The following PPM1A variants were observed in gnomAD, a reference collection of about 807,000 sequenced individuals.
The protein encoded by PPM1A is protein phosphatase, Mg2+/Mn2+ dependent 1A.
In PPM1A, 7 loss-of-function variants were observed where a neutral mutation model predicts 35.0. The observed-to-expected ratio is 0.20, with a 90% CI of 0.11 to 0.38. PPM1A has a LOEUF of 0.38. Ranked by LOEUF, PPM1A falls within the 10% of genes least tolerant of loss-of-function variation. The pLI is 1.00. For missense variants in PPM1A, 239 were observed against 467.8 expected (o/e 0.51, Z 4.51); for synonymous variants, 153 against 167.3 (o/e 0.91, Z 0.66).
chr14:60,282,017 CTT>C lies in PPM1A; in HGVS notation c.-20-665_-20-664del, dbSNP rs1022232428. Among the ~76,000 whole-genome samples the C allele has an allele frequency of 2.0e-5, 3 of 152,044 alleles. No individual in the cohort carries two copies. Among genetic ancestry groups the C allele is most frequent in the Non-Finnish European group, 4.4e-5 (3 of 67,994 alleles). On this transcript the variant is annotated intron_variant, in intron 1 of 5. Coordinates refer to ENST00000395076, the MANE Select transcript of PPM1A (RefSeq NM_021003.5). This position sits in a 1 kb window ranked among gnomAD's most constrained non-coding sequence, Gnocchi z 5.1. ...TACAGTAATTTAATAACTTAACTGA[CTT>C]TATCAAAAACTGAAAAACCTCATGG...
At chr14:60,285,111 CTT>C (rs1391851231) in intron 2 of PPM1A, among the ~76,000 whole-genome samples, 8 of 152,104 alleles carry the variant, frequency 5.3e-5, no homozygotes, top group Admixed American at 1.3e-4. Context: ...AGTTTTACCT[CTT>C]ATTTCATATT....
In PPM1A at chr14:60,296,947, AG is replaced by A; in HGVS notation, c.*4467del. 3.9e-6 allele frequency: 1 copy of A among 258,906 alleles called. No homozygotes were observed. The allele number at this position is 258,906 out of a possible 1,614,324, so 16.0% of individuals were successfully genotyped here. On this transcript the variant is annotated 3_prime_UTR_variant, in exon 6 of 6. Coordinates refer to ENST00000395076, the MANE Select transcript of PPM1A (RefSeq NM_021003.5). The surrounding 1 kb of genome is among the most constrained non-coding windows in gnomAD (Gnocchi z 4.4). ...CTGTTTTCCTATTTATATTACTAGC[AG>A]GTAGGAGTGCTAATTAGAAAAACTT...
chr14:60,286,387 A>G, intron 3 of PPM1A: 2 of 985,720 alleles, frequency 2.0e-6, no homozygotes, highest in Non-Finnish European at 2.4e-6. Flanking sequence ...TATATTTCTC[A>G]TAATTCTGCA....
intron 1 of PPM1A, among the ~76,000 whole-genome samples, chr14:60,260,660 C>G (rs1883647699): frequency 6.6e-6 from 1 of 152,010 alleles, no homozygotes; most frequent in Admixed American, 6.6e-5. Flanking sequence ...CAAAAGATAC[C>G]CTGTACTCAT....
intron 1 of PPM1A, among the ~76,000 whole-genome samples, chr14:60,260,479 A>C (rs948592077): frequency 6.6e-6 from 1 of 152,126 alleles, no homozygotes; most frequent in Non-Finnish European, 1.5e-5. Flanking sequence ...ACCTTTTTAT[A>C]TAAAATACTG....
rs754919136 is a variant in PPM1A at position 60,291,308 on chromosome 14, T to C, written c.1062-89T>C. 4.8e-5 allele frequency: 43 copies of C among 895,306 alleles called. 1 individual carries two copies. The highest frequency in any genetic ancestry group is 6.9e-5 in the Non-Finnish European group (41 of 591,202). 55.5% of individuals were successfully genotyped at this position (895,306 alleles called of 1,614,324 possible). ...AATAATATCTGAGTATAAGATTATC[T>C]TAGAAATTTTAATAAACACCTGGCT... On this transcript the variant is annotated intron_variant, in intron 4 of 5. Coordinates refer to ENST00000395076, the MANE Select transcript of PPM1A (RefSeq NM_021003.5).
At chr14:60,254,731 C>T (rs1162919928) in intron 1 of PPM1A, among the ~76,000 whole-genome samples, 1 of 152,188 alleles carries the variant, frequency 6.6e-6, no homozygotes, top group Non-Finnish European at 1.5e-5. Context: ...CTCTTTCCTG[C>T]TAGCATCTTG....
chr14:60,288,036 A>G, intron 3 of PPM1A: 1 of 980,948 alleles, frequency 1.0e-6, no homozygotes, highest in Non-Finnish European at 1.2e-6. Context: ...AGGTCAACAG[A>G]AATTAAAGGA....
In PPM1A at chr14:60,294,136, A is replaced by G. The variant is rs1887879871; in HGVS notation, c.*1654A>G. 1 of 151,946 alleles carries G rather than the reference A, an allele frequency of 6.6e-6. No individual in the cohort carries two copies. The highest frequency in any genetic ancestry group is 2.4e-5 in the African/African-American group (1 of 41,422). 9.4% of individuals were successfully genotyped at this position (151,946 alleles called of 1,614,324 possible). A position where few individuals can be genotyped will look rare whatever the true frequency, so the allele number is the denominator to read the frequency against. On this transcript the variant is annotated 3_prime_UTR_variant, in exon 6 of 6. Coordinates refer to ENST00000395076, the MANE Select transcript of PPM1A (RefSeq NM_021003.5). Reference sequence around the variant, plus strand: ...TTTTTTCCCTAACTTGGAAATATACATATTTGTATATATAGCCTTAAAATT... The same window carrying G: ...TTTTTTCCCTAACTTGGAAATATACGTATTTGTATATATAGCCTTAAAATT...
rs767093859 is a variant in PPM1A at position 60,282,826 on chromosome 14, G to A, written c.123G>A (p.Thr41=). ...GWRVEMEDAH[T]AVIGLPSGLE... ...GTGTTGAAATGGAGGATGCACATAC[G>A]GCTGTGATCGGTTTGCCAAGTGGAC... The change falls in exon 2 of 6, where the codon ACG becomes ACA. Residue 41 remains threonine, a synonymous_variant. Transcript: ENST00000395076. The surrounding 1 kb of genome is among the most constrained non-coding windows in gnomAD (Gnocchi z 5.1). The A allele has an allele frequency of 7.4e-6, 12 of 1,614,088 alleles. No homozygotes were observed. In the East Asian group the frequency reaches 8.9e-5, roughly 12 times the overall value.
At position 60,294,659 on chromosome 14, in the gene PPM1A, C is replaced by T. The variant is rs1254360245; in HGVS notation, c.*2177C>T. Reference sequence around the variant, plus strand: ...CTTTTGAGATGCAAAACTTAAGTCACAAGTAGAGTATGTGATGGAAAGCTG... The same window carrying T: ...CTTTTGAGATGCAAAACTTAAGTCATAAGTAGAGTATGTGATGGAAAGCTG... On this transcript the variant is annotated 3_prime_UTR_variant, in exon 6 of 6. Transcript: ENST00000395076. 1 of 151,098 alleles carries T rather than the reference C, an allele frequency of 6.6e-6. No individual in the cohort carries two copies. Among genetic ancestry groups the T allele is most frequent in the African/African-American group, 2.4e-5 (1 of 41,138 alleles). 9.4% of individuals were successfully genotyped at this position (151,098 alleles called of 1,614,324 possible). A position where few individuals can be genotyped will look rare whatever the true frequency, so the allele number is the denominator to read the frequency against.
chr14:60,249,071 C>T (rs1008401620), upstream of PPM1A, among the ~76,000 whole-genome samples: 5 of 151,946 alleles, frequency 3.3e-5, no homozygotes, highest in Admixed American at 6.6e-5. The surrounding 1 kb of genome is among the most constrained non-coding windows in gnomAD (Gnocchi z 4.5). Context: ...CCCGCCAGCC[C>T]TCACCGCAGT....
intron 1 of PPM1A, among the ~76,000 whole-genome samples, chr14:60,258,122 G>A (rs1242759648): frequency 6.6e-6 from 1 of 151,948 alleles, no homozygotes; most frequent in Non-Finnish European, 1.5e-5. Context: ...GTAAGCAGGT[G>A]TTTCAACTAG....
chr14:60,282,665 T>C lies in PPM1A; in HGVS notation c.-20-19T>C, dbSNP rs569117070. 2.9e-4 allele frequency: 466 copies of C among 1,602,622 alleles called. 2 individuals carry two copies. The highest frequency in any genetic ancestry group is 5.0e-4 in the Middle Eastern group (3 of 5,986). On this transcript the variant is annotated intron_variant, in intron 1 of 5. Transcript: ENST00000395076. This position sits in a 1 kb window ranked among gnomAD's most constrained non-coding sequence, Gnocchi z 5.1. ...TTTATAAGACAGTTATTGACTTTCC[T>C]GTTTCTCTTCCTTTGCAGACCTAGA...
upstream of PPM1A, chr14:60,245,882 C>T: frequency 6.3e-7 from 1 of 1,590,416 alleles, no homozygotes; most frequent in Non-Finnish European, 8.6e-7. The surrounding 1 kb of genome is among the most constrained non-coding windows in gnomAD (Gnocchi z 4.2). Flanking sequence ...GTAGCAGAAG[C>T]TACAATTTGT....
At chr14:60,249,190 G>A (rs1882008787), upstream of PPM1A, 1 of 978,936 alleles carries the variant, frequency 1.0e-6, no homozygotes. This position sits in a 1 kb window ranked among gnomAD's most constrained non-coding sequence, Gnocchi z 4.5. Context: ...GGGGCGACGC[G>A]GTCGTGAGCG....
rs570563900 is a variant in PPM1A at position 60,295,042 on chromosome 14, C to T, written c.*2560C>T. ...CCACTTAAATTCTTCACCCCCATCC[C>T]CTTTTTTTGTGCTAATTAGCATCTC... On this transcript the variant is annotated 3_prime_UTR_variant, in exon 6 of 6. Coordinates refer to ENST00000395076, the MANE Select transcript of PPM1A (RefSeq NM_021003.5). 6 of 151,804 alleles carry T rather than the reference C, an allele frequency of 4.0e-5. 1 individual carries two copies. In the Middle Eastern group the frequency reaches 0.02, roughly 516 times the overall value. The allele number at this position is 151,804 out of a possible 1,614,324, so 9.4% of individuals were successfully genotyped here.
intron 3 of PPM1A, chr14:60,286,304 A>T (rs1281056074): frequency 1.0e-6 from 1 of 985,746 alleles, no homozygotes; most frequent in Admixed American, 6.1e-5. Flanking sequence ...TCAATAAAAG[A>T]CATAATATTT....
At chr14:60,276,036 T>C (rs1245149403) in intron 1 of PPM1A, among the ~76,000 whole-genome samples, 1 of 152,200 alleles carries the variant, frequency 6.6e-6, no homozygotes, top group Non-Finnish European at 1.5e-5. Context: ...CTGCAAGGGT[T>C]AGCATTTCTT....
Sources: gnomAD v4.1 joint callset for allele counts (sites outside exome capture counted in the v4.1 genomes callset) on GRCh38, gnomAD v4.1.1 for gene constraint, Gnocchi (gnomAD v3.1) non-coding constraint, MANE v1.5 for transcripts, NCBI Gene and HGNC (gene_info 2026-07-23, HGNC 2026-07-21) for gene names.